The following DLC1 variants were observed in gnomAD, a reference collection of about 807,000 sequenced individuals.
The protein encoded by DLC1 is DLC1 Rho GTPase activating protein.
A neutral mutation model predicts 140.3 loss-of-function variants in DLC1; 54 were observed. The ratio of observed to expected loss-of-function variants is 0.38; its 90% CI spans 0.31 to 0.48. The LOEUF (loss-of-function observed/expected upper bound fraction) is 0.48, where lower values mean the gene tolerates loss of function less well. Ranked by LOEUF, DLC1 falls within the 20% of genes least tolerant of loss-of-function variation. DLC1 has a pLI of 0.96. For synonymous variants in DLC1, 986 were observed against 728.1 expected (o/e 1.35, Z -5.70); for missense variants, 2,536 against 1,907.0 (o/e 1.33, Z -6.14).
intron 2 of DLC1, among the ~76,000 whole-genome samples, chr8:13,448,244 G>A (rs192443177): frequency 1.3e-5 from 2 of 152,166 alleles, no homozygotes; most frequent in East Asian, 3.9e-4. Flanking sequence ...AAAAAGGTTG[G>A]GAATGAATCA....
At chr8:13,580,440 C>A (rs184987323) in intron 1 of DLC1, among the ~76,000 whole-genome samples, 129 of 152,172 alleles carry the variant, frequency 8.5e-4, no homozygotes, top group African/African-American at 3.0e-3. Context: ...CATTTTTAAC[C>A]GAAGCTTACA....
rs55966188 is a variant in DLC1, at chr8:13,178,663, G to C, written c.1349-63006C>G. On this transcript the variant is annotated intron_variant, in intron 5 of 17. Transcript: ENST00000276297. ...AGAGTGGAAGAAGGTTTTTTTTTTT[G>C]CAAAACATATAATCAACAATGGTTT... Among the ~76,000 whole-genome samples, 716 of 107,534 alleles carry C rather than the reference G, an allele frequency of 6.7e-3. 1 individual carries two copies. The highest frequency in any genetic ancestry group is 0.011 in the Non-Finnish European group (559 of 50,456). 70.5% of individuals were successfully genotyped at this position (107,534 alleles called of 152,430 possible).
At position 13,095,190 on chromosome 8, in the gene DLC1, C is replaced by A. The variant is rs1165381744; in HGVS notation, c.3223G>T (p.Val1075Leu). The A allele has an allele frequency of 5.6e-6, 9 of 1,614,138 alleles. No homozygotes were observed. The highest frequency in any genetic ancestry group is 7.6e-6 in the Non-Finnish European group (9 of 1,180,060). Residue 1075 changes from valine (V) to leucine (L), a missense_variant, in exon 11 of 18, where the codon GTG becomes TTG. Transcript: ENST00000276297. ...TTGACCGTCAGTGGGACCCCAAACACACTCCGGTCCTTGTAGTCTGGAACC... is the reference window on the plus strand; with the variant it reads ...TTGACCGTCAGTGGGACCCCAAACAAACTCCGGTCCTTGTAGTCTGGAACC... ...IKVPDYKDRS[V>L]FGVPLTVNVQ... is the part of the protein sequence containing the mutation.
chr8:13,371,417 G>A (rs1055741879), intron 4 of DLC1, among the ~76,000 whole-genome samples: 4 of 151,996 alleles, frequency 2.6e-5, no homozygotes, highest in African/African-American at 9.7e-5. Flanking sequence ...CTCTCTTCAA[G>A]TTCCTCTTTG....
At chr8:13,567,290 G>C (rs537533826) in intron 1 of DLC1, 3 of 1,551,538 alleles carry the variant, frequency 1.9e-6, no homozygotes, top group Non-Finnish European at 2.6e-6. Context: ...AACTTTGAAC[G>C]GCACCAACCA....
intron 12 of DLC1, among the ~76,000 whole-genome samples, chr8:13,094,199 A>ACTTTT (rs1406900053): frequency 6.6e-6 from 1 of 152,192 alleles, no homozygotes; most frequent in East Asian, 1.9e-4. Context: ...TGAAAGTCTA[A>ACTTTT]CTTTTCATTT....
intron 5 of DLC1, among the ~76,000 whole-genome samples, chr8:13,182,699 T>C (rs1268931893): frequency 6.6e-6 from 1 of 152,200 alleles, no homozygotes; most frequent in African/African-American, 2.4e-5. Context: ...TTGGTACCAG[T>C]ACCATGCTGT....
chr8:13,312,230 G>C (rs1025703393), intron 4 of DLC1, among the ~76,000 whole-genome samples: 1 of 137,152 alleles, frequency 7.3e-6, no homozygotes, highest in African/African-American at 2.7e-5. Flanking sequence ...GCGTGGTAGC[G>C]GGCGCCTGTA....
chr8:13,277,783 C>T (rs1451266493), intron 5 of DLC1, among the ~76,000 whole-genome samples: 4 of 152,180 alleles, frequency 2.6e-5, no homozygotes, highest in Admixed American at 6.5e-5. Context: ...AAGGCCAGTT[C>T]ATAACCTTTG....
chr8:13,185,756 A>G (rs1429544666), intron 5 of DLC1, among the ~76,000 whole-genome samples: 1 of 152,114 alleles, frequency 6.6e-6, no homozygotes. Context: ...GGTCTTTACA[A>G]TTTGGCATGT....
chr8:13,430,935 T>C (rs2117391238), intron 2 of DLC1, among the ~76,000 whole-genome samples: 1 of 152,340 alleles, frequency 6.6e-6, no homozygotes, highest in Non-Finnish European at 1.5e-5. Flanking sequence ...ATGGCATGTA[T>C]GGCTAATTGC....
chr8:13,282,541 T>G (rs1368563184), intron 5 of DLC1, among the ~76,000 whole-genome samples: 1 of 152,218 alleles, frequency 6.6e-6, no homozygotes, highest in East Asian at 1.9e-4. Flanking sequence ...GAACAGAATA[T>G]CTAATAGTAA....
At chr8:13,457,359 T>C (rs1012316050) in intron 2 of DLC1, among the ~76,000 whole-genome samples, 2 of 152,148 alleles carry the variant, frequency 1.3e-5, no homozygotes, top group Admixed American at 1.3e-4. Flanking sequence ...TGGAAAATTC[T>C]TAGAAACAAA....
At chr8:13,602,728 A>G (rs775891713) in intron 1 of DLC1, among the ~76,000 whole-genome samples, 96 of 152,040 alleles carry the variant, frequency 6.3e-4, no homozygotes, top group Non-Finnish European at 1.1e-3. Context: ...AGTTGCTAAA[A>G]CAAAACAAAA....
chr8:13,322,348 ATT>A lies in DLC1; in HGVS notation c.1315-17048_1315-17047del, dbSNP rs566040892. 3.4e-3 allele frequency among the ~76,000 whole-genome samples: 515 copies of A among 152,280 alleles called. 3 individuals are homozygous for A. Among genetic ancestry groups the A allele is most frequent in the African/African-American group, 0.012 (488 of 41,558 alleles). ...TACTTGTTTGAAAGCTTCTAACTCTATTTAAAGTACAAGTATGTTAGGGGCAA... is the reference window on the plus strand; with the variant it reads ...TACTTGTTTGAAAGCTTCTAACTCTATAAAGTACAAGTATGTTAGGGGCAA... On this transcript the variant is annotated intron_variant, in intron 4 of 17. Coordinates refer to ENST00000276297, the MANE Select transcript of DLC1 (RefSeq NM_182643.3).
chr8:13,381,172 G>A (rs1461948848), intron 4 of DLC1, among the ~76,000 whole-genome samples: 1 of 152,174 alleles, frequency 6.6e-6, no homozygotes, highest in East Asian at 1.9e-4. Flanking sequence ...AATTTGGCTG[G>A]AAACTGGCAG....
chr8:13,229,647 GAGAA>G (rs1047187749), intron 5 of DLC1, among the ~76,000 whole-genome samples: 13 of 150,656 alleles, frequency 8.6e-5, no homozygotes, highest in Non-Finnish European at 1.5e-4. Context: ...GGAAGAGAGA[GAGAA>G]AGAGAGAGAG....
chr8:13,406,221 T>C lies in DLC1; in HGVS notation c.1024-4602A>G, dbSNP rs186725549. 2.2e-3 allele frequency among the ~76,000 whole-genome samples: 267 copies of C among 123,210 alleles called. 6 individuals carry two copies. Among genetic ancestry groups the C allele is most frequent in the Admixed American group, 0.021 (233 of 11,160 alleles). The allele number at this position is 123,210 out of a possible 152,430, so 80.8% of individuals were successfully genotyped here. ...TTTCAGTGGAGACAGGGTTTCACTG[T>C]GTTGGCCAGGCTGGTCTTGAACTCC... On this transcript the variant is annotated intron_variant, in intron 2 of 17. Coordinates refer to ENST00000276297, the MANE Select transcript of DLC1 (RefSeq NM_182643.3).
intron 5 of DLC1, chr8:13,132,939 C>T: frequency 6.2e-7 from 1 of 1,606,682 alleles, no homozygotes; most frequent in South Asian, 1.1e-5. Context: ...GCAAGTCTAG[C>T]TTACGTGTTA....
Sources: gnomAD v4.1 joint callset for allele counts (sites outside exome capture counted in the v4.1 genomes callset) on GRCh38, gnomAD v4.1.1 for gene constraint, MANE v1.5 for transcripts, NCBI Gene and HGNC (gene_info 2026-07-23, HGNC 2026-07-21) for gene names.